ROBO1: variants seen among roughly 807,000 people sequenced by gnomAD.
The protein encoded by ROBO1 is roundabout guidance receptor 1, also known as roundabout homolog 1.
A neutral mutation model predicts 195.9 loss-of-function variants in ROBO1; 149 were observed. That is an observed-to-expected ratio of 0.76 (90% CI 0.67 to 0.87). The LOEUF is 0.87. ROBO1 is among the 40% of genes least tolerant of loss of function. ROBO1 has a pLI of 0.00. For missense variants in ROBO1, 1,933 were observed against 2,068.3 expected (o/e 0.93, Z 1.27); for synonymous variants, 816 against 733.2 (o/e 1.11, Z -1.82).
intron 2 of ROBO1, among the ~76,000 whole-genome samples, chr3:79,514,308 G>T (rs1559956315): frequency 1.3e-5 from 2 of 152,146 alleles, no homozygotes; most frequent in Admixed American, 1.3e-4. Context: ...TGGTGTGCGG[G>T]GGTGGAGGAG....
At chr3:78,737,487 G>A (rs1345020113) in intron 5 of ROBO1, among the ~76,000 whole-genome samples, 6 of 152,054 alleles carry the variant, frequency 3.9e-5, no homozygotes, top group East Asian at 1.9e-4. Flanking sequence ...GCATTTTCTC[G>A]CTGAATTCCC....
intron 2 of ROBO1, among the ~76,000 whole-genome samples, chr3:79,241,201 G>C (rs1012177315): frequency 6.6e-6 from 1 of 151,908 alleles, no homozygotes; most frequent in Admixed American, 6.6e-5. Context: ...AAACGTTTTC[G>C]AAAGACTATG....
chr3:79,301,037 A>C (rs1460970496), intron 2 of ROBO1, among the ~76,000 whole-genome samples: 2 of 152,156 alleles, frequency 1.3e-5, no homozygotes, highest in Non-Finnish European at 2.9e-5. Flanking sequence ...TGCCCGAGCC[A>C]GCAGTGGCAA....
chr3:79,479,926 G>C (rs116561172), intron 2 of ROBO1, among the ~76,000 whole-genome samples: 2 of 152,032 alleles, frequency 1.3e-5, no homozygotes, highest in Non-Finnish European at 2.9e-5. Flanking sequence ...ATGGAAGTTC[G>C]CATTCCCTAG....
chr3:78,717,146 G>A lies in ROBO1; in HGVS notation c.917+129C>T, dbSNP rs143322771. On this transcript the variant is annotated intron_variant, in intron 7 of 30. Transcript: ENST00000464233. The stretch of plus-strand genomic sequence containing the variant: ...AACCTCCTGCTTCTAATTATCTCCA[G>A]TATTGTATCTGGCCCCTGATAGAGG... 4,929 of 929,176 alleles carry A rather than the reference G, an allele frequency of 5.3e-3. 25 individuals are homozygous for A. The highest frequency in any genetic ancestry group is 8.3e-3 in the Admixed American group (304 of 36,504). 57.6% of individuals were successfully genotyped at this position (929,176 alleles called of 1,614,324 possible).
intron 24 of ROBO1, among the ~76,000 whole-genome samples, chr3:78,632,875 C>A (rs980380401): frequency 6.6e-6 from 1 of 152,120 alleles, no homozygotes; most frequent in African/African-American, 2.4e-5. Flanking sequence ...TGAAATATTT[C>A]TCTTAATTCA....
chr3:78,714,490 T>A lies in ROBO1; in HGVS notation c.952A>T (p.Arg318Trp). The A allele has an allele frequency of 2.5e-6, 4 of 1,612,562 alleles. No homozygotes were observed. Among genetic ancestry groups the A allele is most frequent in the Non-Finnish European group, 3.4e-6 (4 of 1,179,250 alleles). Residue 318 changes from arginine (R) to tryptophan (W), a missense_variant, in exon 8 of 31, where the codon AGG becomes TGG. This residue lies in a region of ROBO1 where 1,737 missense variants were observed against 1,882.5 expected (regional missense o/e 0.92). Coordinates refer to ENST00000464233, the MANE Select transcript of ROBO1 (RefSeq NM_002941.4). Reference protein sequence around the residue: ...EIRDDHTLKIRKVTAGDMGSY... With the variant: ...EIRDDHTLKIWKVTAGDMGSY... The stretch of plus-strand genomic sequence containing the variant: ...CCCATGTCACCAGCTGTCACCTTCC[T>A]AATTTTCAAGGTATGATCATCTCGG...
intron 2 of ROBO1, among the ~76,000 whole-genome samples, chr3:79,489,962 T>C (rs1189929917): frequency 1.3e-5 from 2 of 152,212 alleles, no homozygotes; most frequent in African/African-American, 2.4e-5. Context: ...GCATCTCTTC[T>C]GAGGATACAT....
At chr3:79,662,031 C>CT (rs1031939814) in intron 1 of ROBO1, among the ~76,000 whole-genome samples, 7 of 151,734 alleles carry the variant, frequency 4.6e-5, no homozygotes, top group East Asian at 1.9e-4. Flanking sequence ...AAGAGCAGTC[C>CT]TTTTTTACAG....
chr3:79,708,604 T>C (rs1370590637), intron 1 of ROBO1, among the ~76,000 whole-genome samples: 3 of 152,154 alleles, frequency 2.0e-5, no homozygotes, highest in Admixed American at 1.3e-4. Flanking sequence ...AGCTTCACAC[T>C]GTAATTGCAG....
At chr3:78,673,977 C>G (rs1419031091) in intron 10 of ROBO1, among the ~76,000 whole-genome samples, 1 of 151,972 alleles carries the variant, frequency 6.6e-6, no homozygotes, top group Non-Finnish European at 1.5e-5. Context: ...AACTGAAACT[C>G]TAGAAGTTCA....
chr3:78,782,816 T>C (rs2083717858), intron 4 of ROBO1, among the ~76,000 whole-genome samples: 1 of 152,210 alleles, frequency 6.6e-6, no homozygotes, highest in Non-Finnish European at 1.5e-5. Flanking sequence ...TTTGTCTTCA[T>C]TAAATATTGA....
Position 78,657,320 on chromosome 3 carries a change from GC to G in ROBO1, c.2443-52del, listed in dbSNP as rs940943033. 3.7e-5 allele frequency: 58 copies of G among 1,581,844 alleles called. No individual in the cohort carries two copies. In the African/African-American group the frequency reaches 5.5e-4, roughly 15 times the overall value. ...AAGCTGGTAAATTACCTAAATGAATGCAAAGATCAACACAGGGTTGCAGTTT... is the reference window on the plus strand; with the variant it reads ...AAGCTGGTAAATTACCTAAATGAATGAAAGATCAACACAGGGTTGCAGTTT... On this transcript the variant is annotated intron_variant, in intron 17 of 30. Coordinates refer to ENST00000464233, the MANE Select transcript of ROBO1 (RefSeq NM_002941.4).
intron 2 of ROBO1, among the ~76,000 whole-genome samples, chr3:79,541,179 A>C (rs1261877263): frequency 2.0e-5 from 3 of 152,164 alleles, no homozygotes; most frequent in African/African-American, 7.2e-5. Flanking sequence ...CTAAAAATGC[A>C]TCAGCAACAC....
chr3:79,108,553 C>T (rs1028868245), intron 3 of ROBO1, among the ~76,000 whole-genome samples: 62 of 151,616 alleles, frequency 4.1e-4, no homozygotes, highest in Non-Finnish European at 8.9e-5. Flanking sequence ...GAATACAATT[C>T]TGAATATTTC....
chr3:79,611,802 G>A (rs989384854), intron 1 of ROBO1, among the ~76,000 whole-genome samples: 1 of 151,940 alleles, frequency 6.6e-6, no homozygotes, highest in Non-Finnish European at 1.5e-5. Flanking sequence ...ATGGGTTGAG[G>A]GGTGCAGCAA....
chr3:78,678,046 A>G (rs946991688), intron 10 of ROBO1, among the ~76,000 whole-genome samples: 6 of 152,290 alleles, frequency 3.9e-5, no homozygotes, highest in East Asian at 1.9e-4. Flanking sequence ...AACTACATGG[A>G]AACTGAACAA....
At chr3:78,961,256 T>A (rs2041332371) in intron 3 of ROBO1, among the ~76,000 whole-genome samples, 1 of 152,030 alleles carries the variant, frequency 6.6e-6, no homozygotes, top group Non-Finnish European at 1.5e-5. Context: ...ACAAAAAAAA[T>A]TTGAAAAGAC....
At chr3:79,426,351 A>G (rs2038446862) in intron 2 of ROBO1, among the ~76,000 whole-genome samples, 1 of 151,778 alleles carries the variant, frequency 6.6e-6, no homozygotes, top group Non-Finnish European at 1.5e-5. Context: ...CTTTCTTCAT[A>G]TATAATTTTG....
Sources: gnomAD v4.1 joint callset for allele counts (sites outside exome capture counted in the v4.1 genomes callset) on GRCh38, gnomAD v4.1.1 for gene constraint, gnomAD v4.1.1 regional missense constraint, MANE v1.5 for transcripts, NCBI Gene and HGNC (gene_info 2026-07-23, HGNC 2026-07-21) for gene names.